Variants in PRDM10 observed in about 807,000 individuals in gnomAD.
The protein encoded by PRDM10 is PR domain zinc finger protein 10.
A neutral mutation model predicts 133.1 loss-of-function variants in PRDM10; 65 were observed. That is an observed-to-expected ratio of 0.49 (90% CI 0.40 to 0.60). The LOEUF is 0.60. Ranked by LOEUF, PRDM10 falls within the 20% of genes least tolerant of loss-of-function variation. The pLI is 0.00. For missense variants in PRDM10, 1,137 were observed against 1,507.1 expected, an observed-to-expected ratio of 0.75 and a Z score of 4.07; for synonymous variants, 582 against 580.4, an observed-to-expected ratio of 1.00 and a Z score of -0.04.
intron 17 of PRDM10, among the ~76,000 whole-genome samples, chr11:129,913,581 C>T (rs1329335941): frequency 6.6e-6 from 1 of 152,162 alleles, no homozygotes; most frequent in Admixed American, 6.5e-5. Context: ...TGGTTCTTAA[C>T]CTTTTATATA....
intron 1 of PRDM10, among the ~76,000 whole-genome samples, chr11:129,972,124 C>T (rs1288027625): frequency 6.6e-6 from 1 of 152,236 alleles, no homozygotes; most frequent in Non-Finnish European, 1.5e-5. Flanking sequence ...AGTGTGGGGC[C>T]CGCCAAGCCC....
At chr11:129,999,391 T>C (rs1325330024) in intron 1 of PRDM10, among the ~76,000 whole-genome samples, 1 of 152,230 alleles carries the variant, frequency 6.6e-6, no homozygotes, top group African/African-American at 2.4e-5. Context: ...TTCTCCTTCA[T>C]TAATCTATTA....
intron 15 of PRDM10, among the ~76,000 whole-genome samples, chr11:129,916,692 G>C (rs1950368733): frequency 6.6e-6 from 1 of 152,120 alleles, no homozygotes; most frequent in Non-Finnish European, 1.5e-5. Flanking sequence ...TGTCTTTTCT[G>C]TAACTACATG....
rs764368655 is a variant in PRDM10 at position 129,947,340 on chromosome 11, G to A, written c.325C>T (p.Pro109Ser). 2 of 1,614,188 alleles carry A rather than the reference G, an allele frequency of 1.2e-6. No homozygotes were observed. The highest frequency in any genetic ancestry group is 1.1e-5 in the South Asian group (1 of 91,084). The change falls in exon 5 of 21, where the codon CCT (proline) becomes TCT (serine). Residue 109 changes from proline (P) to serine (S), a missense_variant. Around this residue, in one of 6 missense-constraint regions of PRDM10, gnomAD observed 635 missense variants for 835.2 expected, o/e 0.76. Coordinates refer to ENST00000360871, the MANE Select transcript of PRDM10 (RefSeq NM_199437.2). The surrounding 1 kb of genome is among the most constrained non-coding windows in gnomAD (Gnocchi z 4.6). ...GACCCATCTACACTCTCGATGGAAG[G>A]CAGCACCTGGTTATGAACTGGCAAT... Reference protein sequence around the residue: ...ASLPVHNQVLPSIESVDGSDP... With the variant: ...ASLPVHNQVLSSIESVDGSDP...
At chr11:129,934,313 T>G (rs370983362) in intron 9 of PRDM10, among the ~76,000 whole-genome samples, 153 of 152,312 alleles carry the variant, frequency 1.0e-3, no homozygotes, top group African/African-American at 2.6e-3. Flanking sequence ...GGTACTTCCC[T>G]AGAACATTCG....
chr11:129,985,832 ATG>A (rs1938413377), intron 1 of PRDM10, among the ~76,000 whole-genome samples: 1 of 128,128 alleles, frequency 7.8e-6, no homozygotes, highest in Middle Eastern at 4.2e-3. Flanking sequence ...ATATATATAT[ATG>A]TATATATAGT....
chr11:129,957,219 A>T (rs1407796205), intron 3 of PRDM10, among the ~76,000 whole-genome samples: 1 of 152,192 alleles, frequency 6.6e-6, no homozygotes, highest in Admixed American at 6.5e-5. Flanking sequence ...AACTGTAGAG[A>T]AGAGCTATAT....
chr11:129,914,431 A>G, intron 17 of PRDM10: 1 of 522,118 alleles, frequency 1.9e-6, no homozygotes. Context: ...AGAGGGTCAG[A>G]AACAGGTGCT....
At chr11:129,948,592 A>G (rs564746266) in intron 4 of PRDM10, among the ~76,000 whole-genome samples, 46 of 152,310 alleles carry the variant, frequency 3.0e-4, no homozygotes, top group African/African-American at 1.1e-3. Flanking sequence ...AAATAGTTCT[A>G]TGACAATTTC....
chr11:129,959,475 T>A (rs1467744419), intron 2 of PRDM10, among the ~76,000 whole-genome samples: 1 of 152,154 alleles, frequency 6.6e-6, no homozygotes, highest in Non-Finnish European at 1.5e-5. Flanking sequence ...TCATCATTCA[T>A]TAAATCAGAA....
intron 1 of PRDM10, among the ~76,000 whole-genome samples, chr11:129,999,798 C>A (rs1479932718): frequency 1.3e-5 from 2 of 152,102 alleles, no homozygotes; most frequent in African/African-American, 2.4e-5. Context: ...TATTATAATT[C>A]TTTTAGTTCG....
At chr11:130,001,730 C>T (rs1328037223) in intron 1 of PRDM10, among the ~76,000 whole-genome samples, 3 of 152,186 alleles carry the variant, frequency 2.0e-5, no homozygotes, top group Admixed American at 6.5e-5. Context: ...CACCTAGCTG[C>T]AGGGTTAAAC....
intron 20 of PRDM10, among the ~76,000 whole-genome samples, chr11:129,904,617 A>G (rs1308861894): frequency 6.6e-6 from 1 of 152,072 alleles, no homozygotes; most frequent in Non-Finnish European, 1.5e-5. Context: ...CTCATGCTTC[A>G]GCCTCCTGAG....
At chr11:129,929,766 A>T (rs1444512841) in intron 11 of PRDM10, among the ~76,000 whole-genome samples, 1 of 152,008 alleles carries the variant, frequency 6.6e-6, no homozygotes, top group Admixed American at 6.6e-5. Context: ...CAAAAAAAAA[A>T]AAAAAATCTA....
At position 129,902,406 on chromosome 11, in the gene PRDM10, G is replaced by A. The variant is rs1203567909; in HGVS notation, c.3378C>T (p.Pro1126=). 2.5e-6 allele frequency: 4 copies of A among 1,614,046 alleles called. No individual in the cohort carries two copies. Among genetic ancestry groups the A allele is most frequent in the African/African-American group, 1.3e-5 (1 of 74,902 alleles). The change falls in exon 21 of 21, where the codon CCC becomes CCT. Residue 1126 remains proline (P), a synonymous_variant. Transcript: ENST00000360871. ...EPPAHSDSLD[P]QTNSQQQTTQ... Reference sequence around the variant, plus strand: ...TGGTCTGCTGTTGGCTGTTGGTCTGGGGGTCCAGGGAGTCACTGTGTGCAG... The same window carrying A: ...TGGTCTGCTGTTGGCTGTTGGTCTGAGGGTCCAGGGAGTCACTGTGTGCAG...
rs144663566 is a variant in PRDM10, at chr11:129,978,382, C to A, written c.-118-17300G>T. Among the ~76,000 whole-genome samples, 344 of 152,288 alleles carry A rather than the reference C, an allele frequency of 2.3e-3. 2 individuals are homozygous for A. Among genetic ancestry groups the A allele is most frequent in the African/African-American group, 7.8e-3 (324 of 41,564 alleles). ...CAGATACATTTCAGAGAAAGTCATG[C>A]TTCTGATATGAGACTGAGCTATGTG... On this transcript the variant is annotated intron_variant, in intron 1 of 20. Coordinates refer to ENST00000360871, the MANE Select transcript of PRDM10 (RefSeq NM_199437.2).
intron 1 of PRDM10, among the ~76,000 whole-genome samples, chr11:129,980,871 T>G (rs1032038531): frequency 3.5e-5 from 5 of 142,468 alleles, no homozygotes; most frequent in East Asian, 2.0e-4. Flanking sequence ...GTTTTTTTTT[T>G]TTTTTTTTTT....
intron 1 of PRDM10, among the ~76,000 whole-genome samples, chr11:129,969,325 T>C (rs1211338062): frequency 6.6e-6 from 1 of 152,174 alleles, no homozygotes; most frequent in Non-Finnish European, 1.5e-5. Flanking sequence ...TTACCATAAA[T>C]ACTACAGGCC....
At chr11:129,960,860 C>T (rs1344326582) in intron 2 of PRDM10, 36 bp downstream of exon 2, 1 of 1,610,756 alleles carries the variant, frequency 6.2e-7, no homozygotes, top group African/African-American at 1.3e-5. Flanking sequence ...CAGCTGAAAA[C>T]CTCTCAATAC....
Sources: gnomAD v4.1 joint callset for allele counts (sites outside exome capture counted in the v4.1 genomes callset) on GRCh38, gnomAD v4.1.1 for gene constraint, gnomAD v4.1.1 regional missense constraint, Gnocchi (gnomAD v3.1) non-coding constraint, MANE v1.5 for transcripts, NCBI Gene and HGNC (gene_info 2026-07-23, HGNC 2026-07-21) for gene names.